CFH: variants seen among roughly 807,000 people sequenced by gnomAD.
CFH encodes H factor 1 (complement).
Under a neutral mutation model 147.3 loss-of-function variants are expected in CFH, and 53 were observed. The ratio of observed to expected loss-of-function variants is 0.36; its 90% CI spans 0.29 to 0.45. The LOEUF (loss-of-function observed/expected upper bound fraction) is 0.45, where lower values mean the gene tolerates loss of function less well. Among genes scored for constraint, CFH ranks in the 20% least tolerant of loss-of-function variants. CFH has a pLI of 1.00. For synonymous variants in CFH, 536 were observed against 489.4 expected, an observed-to-expected ratio of 1.10 and a Z score of -1.26; for missense variants, 1,380 against 1,498.0, an observed-to-expected ratio of 0.92 and a Z score of 1.30.
chr1:196,678,636 AC>A (rs563640587), intron 5 of CFH: 271 of 152,192 alleles, frequency 1.8e-3, no homozygotes, highest in African/African-American at 6.3e-3. Context: ...TTACATCCTT[AC>A]AACTAGATTC....
intron 15 of CFH, among the ~76,000 whole-genome samples, chr1:196,731,263 G>A (rs774757455): frequency 6.6e-6 from 1 of 151,662 alleles, no homozygotes; most frequent in Admixed American, 6.6e-5. Context: ...GCTATCCTTA[G>A]GCTTGCATAG....
intron 12 of CFH, 151 bp from the exon 13 acceptor site, chr1:196,726,319 T>A: frequency 1.5e-6 from 1 of 649,832 alleles, no homozygotes; most frequent in Non-Finnish European, 2.7e-6. Flanking sequence ...AGTAATACAA[T>A]ATGAACACCA....
rs543200214 is a variant in CFH at position 196,691,326 on chromosome 1, G to A, written c.1336+1087G>A. Among the ~76,000 whole-genome samples, 33 of 152,130 alleles carry A rather than the reference G, an allele frequency of 2.2e-4. No individual in the cohort carries two copies. The East Asian group carries it at 4.5e-3, about 21-fold the overall frequency. On this transcript the variant is annotated intron_variant, in intron 9 of 21. Coordinates refer to ENST00000367429, the MANE Select transcript of CFH (RefSeq NM_000186.4). ...CTCTAGTATATGTAAGTACAAATGG[G>A]TATTCTGAGATCTTGTGCATATTCT... is the stretch of plus-strand genomic sequence containing the variant.
chr1:196,689,932 T>C, intron 8 of CFH, 131 bp from the exon 9 acceptor site: 1 of 1,083,806 alleles, frequency 9.2e-7, no homozygotes, highest in Non-Finnish European at 1.3e-6. Flanking sequence ...TAGTTCGTCT[T>C]CAGTTATACA....
chr1:196,684,930 A>G, intron 6 of CFH, 134 bp from the exon 7 acceptor site: 1 of 698,362 alleles, frequency 1.4e-6, no homozygotes, highest in South Asian at 1.8e-5. Flanking sequence ...GGATACTATG[A>G]TATGTTCATT....
At chr1:196,711,454 T>A (rs1459872280) in intron 9 of CFH, among the ~76,000 whole-genome samples, 1 of 151,876 alleles carries the variant, frequency 6.6e-6, no homozygotes, top group African/African-American at 2.4e-5. Flanking sequence ...GAGGGTATTA[T>A]TACCAAAATG....
intron 6 of CFH, 144 bp downstream of exon 6, chr1:196,679,937 T>C: frequency 2.5e-6 from 2 of 787,872 alleles, no homozygotes; most frequent in Non-Finnish European, 4.0e-6. Flanking sequence ...GCATTTTCTG[T>C]GTTCAAGGTT....
At chr1:196,694,150 C>G (rs765171650) in intron 9 of CFH, among the ~76,000 whole-genome samples, 2 of 151,974 alleles carry the variant, frequency 1.3e-5, no homozygotes, top group Non-Finnish European at 2.9e-5. Flanking sequence ...TGCTCTCTCT[C>G]CCCTTTCCCC....
At chr1:196,727,893 G>T (rs1019787145) in intron 14 of CFH, among the ~76,000 whole-genome samples, 1 of 152,238 alleles carries the variant, frequency 6.6e-6, no homozygotes, top group Non-Finnish European at 1.5e-5. Flanking sequence ...AAGAAGGCAA[G>T]GTGATTCACT....
At chr1:196,741,479 T>G (rs1390134051) in intron 18 of CFH, 2 of 251,762 alleles carry the variant, frequency 7.9e-6, no homozygotes, top group Non-Finnish European at 1.5e-5. Flanking sequence ...TGTGGGAAAC[T>G]GCCACCATGA....
chr1:196,693,429 C>G (rs981985926), intron 9 of CFH, among the ~76,000 whole-genome samples: 2 of 152,112 alleles, frequency 1.3e-5, no homozygotes, highest in Non-Finnish European at 2.9e-5. Context: ...AAAAGCTGCA[C>G]TAGTCCCTCT....
At chr1:196,686,333 A>G (rs1056777057) in intron 7 of CFH, among the ~76,000 whole-genome samples, 2 of 152,082 alleles carry the variant, frequency 1.3e-5, no homozygotes, top group African/African-American at 2.4e-5. Context: ...AGGCACCACT[A>G]TTTGGAGGGA....
chr1:196,728,551 T>C, intron 15 of CFH, 29 bp downstream of exon 15: 1 of 1,602,918 alleles, frequency 6.2e-7, no homozygotes, highest in Non-Finnish European at 8.5e-7. Flanking sequence ...TTCAGAAATG[T>C]ATTCTATTTC....
chr1:196,664,336 A>T (rs1423603389), intron 1 of CFH, among the ~76,000 whole-genome samples: 1 of 152,192 alleles, frequency 6.6e-6, no homozygotes, highest in Non-Finnish European at 1.5e-5. Context: ...TGTTGGGATT[A>T]CAGGTGTGAG....
chr1:196,701,427 G>T, intron 9 of CFH: 4 of 1,568,146 alleles, frequency 2.6e-6, no homozygotes, highest in South Asian at 2.2e-5. Flanking sequence ...TCAATACTTG[G>T]GTCCTGAGTA....
intron 9 of CFH, among the ~76,000 whole-genome samples, chr1:196,699,795 C>G (rs985187735): frequency 2.6e-5 from 4 of 152,048 alleles, no homozygotes; most frequent in Non-Finnish European, 5.9e-5. Flanking sequence ...TTGAAAACAT[C>G]CTCAAAAAAT....
At chr1:196,744,126 GA>G (rs1652918218) in intron 20 of CFH, among the ~76,000 whole-genome samples, 1 of 151,960 alleles carries the variant, frequency 6.6e-6, no homozygotes, top group African/African-American at 2.4e-5. Flanking sequence ...ACCAAAAAAG[GA>G]AATTGTATCT....
At chr1:196,664,411 A>C (rs986822636) in intron 1 of CFH, among the ~76,000 whole-genome samples, 7 of 152,162 alleles carry the variant, frequency 4.6e-5, no homozygotes, top group Non-Finnish European at 1.0e-4. Flanking sequence ...AATCTGAAAT[A>C]ATGAATCCCA....
chr1:196,693,208 T>C (rs1668126164), intron 9 of CFH, among the ~76,000 whole-genome samples: 1 of 152,064 alleles, frequency 6.6e-6, no homozygotes, highest in Non-Finnish European at 1.5e-5. Context: ...TTAAACATAC[T>C]TGAGTGAGTA....
Sources: gnomAD v4.1 joint callset for allele counts (sites outside exome capture counted in the v4.1 genomes callset) on GRCh38, gnomAD v4.1.1 for gene constraint, MANE v1.5 for transcripts, NCBI Gene and HGNC (gene_info 2026-07-23, HGNC 2026-07-21) for gene names.